Variants in ABCC9 observed in about 807,000 individuals in gnomAD.
ABCC9 encodes ATP binding cassette subfamily C member 9, also known as ATP-binding cassette sub-family C member 9.
In ABCC9, 95 loss-of-function variants were observed where a neutral mutation model predicts 188.3. The observed-to-expected ratio is 0.50, with a 90% CI of 0.43 to 0.60. The LOEUF (loss-of-function observed/expected upper bound fraction) is 0.60, where lower values mean the gene tolerates loss of function less well. Ranked by LOEUF, ABCC9 falls within the 20% of genes least tolerant of loss-of-function variation. The pLI, the probability that ABCC9 is intolerant of heterozygous loss-of-function variation, is 0.00. For missense variants in ABCC9, 1,102 were observed against 1,876.3 expected, an observed-to-expected ratio of 0.59 and a Z score of 7.62; for synonymous variants, 659 against 652.7, an observed-to-expected ratio of 1.01 and a Z score of -0.15.
At chr12:21,862,558 C>T (rs1297351787) in intron 20 of ABCC9, among the ~76,000 whole-genome samples, 1 of 149,110 alleles carries the variant, frequency 6.7e-6, no homozygotes, top group Non-Finnish European at 1.5e-5. Flanking sequence ...TGTTCCCAGT[C>T]ACCAGACCCC....
intron 14 of ABCC9, among the ~76,000 whole-genome samples, chr12:21,893,550 G>T (rs1947271874): frequency 6.6e-6 from 1 of 152,106 alleles, no homozygotes; most frequent in South Asian, 2.1e-4. Flanking sequence ...GGACCTCAAA[G>T]ATGTGCATAT....
At chr12:21,910,018 C>A in intron 10 of ABCC9, 139 bp downstream of exon 10, 1 of 819,730 alleles carries the variant, frequency 1.2e-6, no homozygotes, top group Admixed American at 2.4e-5. Flanking sequence ...ATTTCTGAGT[C>A]CCAGCTTCCT....
chr12:21,804,936 T>G (rs1039878047), intron 39 of ABCC9, among the ~76,000 whole-genome samples: 4 of 152,200 alleles, frequency 2.6e-5, no homozygotes, highest in African/African-American at 9.7e-5. Flanking sequence ...ATTCAGTTAA[T>G]AGGTTTCATA....
At chr12:21,929,336 A>G (rs1949180766) in intron 4 of ABCC9, among the ~76,000 whole-genome samples, 1 of 152,104 alleles carries the variant, frequency 6.6e-6, no homozygotes, top group African/African-American at 2.4e-5. Flanking sequence ...TAAACAAAAG[A>G]GCAAACTAAA....
chr12:21,811,906 A>G (rs1295503770), intron 36 of ABCC9, 143 bp downstream of exon 36: 3 of 672,728 alleles, frequency 4.5e-6, no homozygotes, highest in Non-Finnish European at 8.0e-6. Flanking sequence ...GGCTTTTCCA[A>G]TCCAAATTGT....
At chr12:21,835,571 T>C (rs1190146288) in intron 30 of ABCC9, among the ~76,000 whole-genome samples, 1 of 152,194 alleles carries the variant, frequency 6.6e-6, no homozygotes, top group Non-Finnish European at 1.5e-5. Context: ...ATATAACCTA[T>C]CTTCCTCTTA....
chr12:21,915,826 C>G lies in ABCC9; in HGVS notation c.658G>C (p.Val220Leu). 1 of 1,613,484 alleles carries G rather than the reference C, an allele frequency of 6.2e-7. No individual in the cohort carries two copies. The highest frequency in any genetic ancestry group is 8.5e-7 in the Non-Finnish European group (1 of 1,179,820). ...TATGTTGCTTTTGACAGCAAATTCA[C>G]AAATGGTTGAAGAAATCTCACTCCC... is the stretch of plus-strand genomic sequence containing the variant. The part of the protein sequence containing the change: ...DLGVRFLQPF[V>L]NLLSKATYWW... Residue 220 changes from valine (V) to leucine (L), a missense_variant, in exon 7 of 40, where the codon GTG becomes CTG. Physicochemically the swap from Val to Leu is conservative, Grantham distance 32 (BLOSUM62 1). Around this residue, in one of 12 missense-constraint regions of ABCC9, gnomAD observed 305 missense variants for 573.0 expected, o/e 0.53. Coordinates refer to ENST00000261200, the MANE Select transcript of ABCC9 (RefSeq NM_020297.4).
chr12:21,828,906 G>T (rs757763112), intron 31 of ABCC9, 52 bp downstream of exon 31: 60 of 1,412,798 alleles, frequency 4.2e-5, no homozygotes, highest in Admixed American at 2.0e-4. Context: ...CCTCTTTGCA[G>T]CAGGCGTCTT....
At chr12:21,928,190 AG>A in intron 4 of ABCC9, among the ~76,000 whole-genome samples, 1 of 148,642 alleles carries the variant, frequency 6.7e-6, no homozygotes, top group Admixed American at 6.7e-5. Context: ...GCTGCACTCC[AG>A]CCTGGGCAAC....
At chr12:21,907,348 A>G (rs969431813) in intron 11 of ABCC9, among the ~76,000 whole-genome samples, 8 of 152,078 alleles carry the variant, frequency 5.3e-5, no homozygotes, top group African/African-American at 1.9e-4. Flanking sequence ...CTCGCTTGTC[A>G]TAGTAGAAAC....
chr12:21,858,516 T>C (rs1945341785), intron 22 of ABCC9, among the ~76,000 whole-genome samples: 1 of 151,406 alleles, frequency 6.6e-6, no homozygotes, highest in Admixed American at 6.6e-5. Flanking sequence ...GAGGTGGAGG[T>C]TGCAGTGAGC....
intron 19 of ABCC9, among the ~76,000 whole-genome samples, chr12:21,863,479 G>A (rs1159938188): frequency 1.3e-5 from 2 of 152,038 alleles, no homozygotes; most frequent in Non-Finnish European, 2.9e-5. Context: ...TGTAATTATT[G>A]TATGGCTTTG....
chr12:21,811,911 A>C, intron 36 of ABCC9, 138 bp downstream of exon 36: 1 of 682,348 alleles, frequency 1.5e-6, no homozygotes, highest in Non-Finnish European at 2.6e-6. Context: ...TTCCAATCCA[A>C]ATTGTTGGAT....
In ABCC9 at chr12:21,844,469, A is replaced by G; in HGVS notation, c.3315+14T>C. 1 of 1,607,612 alleles carries G rather than the reference A, an allele frequency of 6.2e-7. No individual in the cohort carries two copies. Among genetic ancestry groups the G allele is most frequent in the Non-Finnish European group, 8.5e-7 (1 of 1,174,144 alleles). The stretch of plus-strand genomic sequence containing the variant: ...AAACTAATTTTTGAACTTGGAAGTA[A>G]CCCAGTTACTCACCTGATCAATGAT... On this transcript the variant is annotated intron_variant, in intron 28 of 39. Coordinates refer to ENST00000261200, the MANE Select transcript of ABCC9 (RefSeq NM_020297.4).
intron 30 of ABCC9, among the ~76,000 whole-genome samples, chr12:21,834,228 T>C (rs1380633158): frequency 6.6e-6 from 1 of 152,228 alleles, no homozygotes; most frequent in Non-Finnish European, 1.5e-5. Flanking sequence ...ACTCCAATGA[T>C]GCCACTATCC....
intron 5 of ABCC9, among the ~76,000 whole-genome samples, chr12:21,920,920 A>G (rs1481024876): frequency 6.6e-6 from 1 of 152,070 alleles, no homozygotes; most frequent in Non-Finnish European, 1.5e-5. Context: ...TTATGGCTAA[A>G]TAGGACTCCA....
intron 39 of ABCC9, among the ~76,000 whole-genome samples, chr12:21,802,988 C>T (rs1376898322): frequency 2.0e-5 from 3 of 151,866 alleles, no homozygotes; most frequent in Non-Finnish European, 4.4e-5. Flanking sequence ...TTTTCAATAC[C>T]CATGACAAGC....
At chr12:21,865,472 A>G (rs1945731598) in intron 18 of ABCC9, among the ~76,000 whole-genome samples, 1 of 152,136 alleles carries the variant, frequency 6.6e-6, no homozygotes, top group Non-Finnish European at 1.5e-5. Context: ...TTTATGAATA[A>G]TATTTTCCAC....
At chr12:21,847,143 T>C (rs1944712364) in intron 25 of ABCC9, among the ~76,000 whole-genome samples, 1 of 152,134 alleles carries the variant, frequency 6.6e-6, no homozygotes, top group African/African-American at 2.4e-5. Flanking sequence ...AAAGTGCTAT[T>C]ACCTTATTTT....
Sources: allele counts gnomAD v4.1 joint callset (sites outside exome capture counted in the v4.1 genomes callset), GRCh38; gene constraint gnomAD v4.1.1; regional missense constraint gnomAD v4.1.1; transcripts MANE v1.5; gene names NCBI Gene and HGNC (gene_info 2026-07-23, HGNC 2026-07-21).